Variants in RALA observed in about 807,000 individuals in gnomAD.
RALA encodes the protein ras-related protein Ral-A.
A neutral mutation model predicts 24.0 loss-of-function variants in RALA; 5 were observed. That is an observed-to-expected ratio of 0.21 (90% confidence interval 0.11 to 0.44). The LOEUF (loss-of-function observed/expected upper bound fraction) is 0.44. Among genes scored for constraint, RALA ranks in the 20% least tolerant of loss-of-function variants. The pLI is 0.99. For missense variants in RALA, 95 were observed against 241.2 expected (o/e 0.39, Z 4.01); for synonymous variants, 77 against 83.8 (o/e 0.92, Z 0.44).
intron 1 of RALA, among the ~76,000 whole-genome samples, chr7:39,672,403 G>A (rs1163948469): frequency 6.6e-6 from 1 of 152,136 alleles, no homozygotes; most frequent in African/African-American, 2.4e-5. Flanking sequence ...GACAGTGCCA[G>A]GATGTGAAAG....
rs185511691 is a variant in RALA at position 39,665,376 on chromosome 7, A to C, written c.-37-21255A>C. 5.3e-5 allele frequency among the ~76,000 whole-genome samples: 8 copies of C among 152,208 alleles called. No homozygotes were observed. The East Asian group carries it at 7.7e-4, about 15-fold the overall frequency. On this transcript the variant is annotated intron_variant, in intron 1 of 4. Coordinates refer to ENST00000005257, the MANE Select transcript of RALA (RefSeq NM_005402.4). ...ATTGTCAGAATACAGTATATAATACATATAACATATGTGTTAATCAACTAT... is the reference window on the plus strand; with the variant it reads ...ATTGTCAGAATACAGTATATAATACCTATAACATATGTGTTAATCAACTAT...
At chr7:39,697,918 C>T (rs911434491) in intron 4 of RALA, among the ~76,000 whole-genome samples, 11 of 150,802 alleles carry the variant, frequency 7.3e-5, no homozygotes, top group African/African-American at 2.7e-4. Flanking sequence ...ATTCAGGATA[C>T]GAATTTTTTC....
At chr7:39,627,429 A>G (rs1002310706) in intron 1 of RALA, among the ~76,000 whole-genome samples, 13 of 152,356 alleles carry the variant, frequency 8.5e-5, no homozygotes, top group Middle Eastern at 3.4e-3. Context: ...ATTAGATGCA[A>G]TAGATGTAAC....
chr7:39,624,360 C>T (rs1300332092), intron 1 of RALA: 1 of 143,768 alleles, frequency 7.0e-6, no homozygotes, highest in East Asian at 2.1e-4. Context: ...GACTTAAAGT[C>T]ATTAGACTCT....
At chr7:39,690,788 C>T (rs1792802160) in intron 3 of RALA, among the ~76,000 whole-genome samples, 198 bp downstream of exon 3, 1 of 152,194 alleles carries the variant, frequency 6.6e-6, no homozygotes, top group Non-Finnish European at 1.5e-5. Context: ...CATAGTCTTA[C>T]AGCTCTCCCG....
intron 1 of RALA, among the ~76,000 whole-genome samples, chr7:39,655,605 T>A (rs1265653572): frequency 1.3e-5 from 2 of 152,212 alleles, no homozygotes; most frequent in Non-Finnish European, 2.9e-5. Context: ...TTTTTCATAC[T>A]GTAACTCCAG....
At chr7:39,648,715 G>A (rs1421513358) in intron 1 of RALA, among the ~76,000 whole-genome samples, 1 of 152,168 alleles carries the variant, frequency 6.6e-6, no homozygotes, top group Non-Finnish European at 1.5e-5. Context: ...GAGAGTAGAG[G>A]TGACAGATTT....
rs796989849 is a variant in RALA at position 39,648,415 on chromosome 7, C to CT, written c.-38+24602dup. 4.9e-3 allele frequency among the ~76,000 whole-genome samples: 709 copies of CT among 144,664 alleles called. 4 individuals are homozygous for CT. The highest frequency in any genetic ancestry group is 0.013 in the African/African-American group (515 of 39,632). 94.9% of individuals were successfully genotyped at this position (144,664 alleles called of 152,430 possible). On this transcript the variant is annotated intron_variant, in intron 1 of 4. Transcript: ENST00000005257. ...AGTAAGTTTTCCATCAACTTAATAG[C>CT]TTTTTTTTTTTTGTCTCTTTTCACA...
At chr7:39,679,843 T>C (rs958575451) in intron 1 of RALA, among the ~76,000 whole-genome samples, 3 of 152,014 alleles carry the variant, frequency 2.0e-5, no homozygotes, top group African/African-American at 7.2e-5. Flanking sequence ...CCTGAGTAGC[T>C]GGGACTACAG....
chr7:39,691,660 A>T (rs1583753453), intron 3 of RALA, among the ~76,000 whole-genome samples: 1 of 152,228 alleles, frequency 6.6e-6, no homozygotes, highest in Non-Finnish European at 1.5e-5. Context: ...AAATCTCAAG[A>T]ACTTATTCTA....
At chr7:39,668,419 T>C (rs1258390086) in intron 1 of RALA, among the ~76,000 whole-genome samples, 1 of 152,210 alleles carries the variant, frequency 6.6e-6, no homozygotes, top group African/African-American at 2.4e-5. Flanking sequence ...TAATGTCTTA[T>C]ATTATGGTTT....
chr7:39,682,750 C>T (rs1390886599), intron 1 of RALA, among the ~76,000 whole-genome samples: 2 of 152,196 alleles, frequency 1.3e-5, no homozygotes, highest in African/African-American at 2.4e-5. Flanking sequence ...TCAAACGATT[C>T]TCCTGCCTCA....
chr7:39,639,992 G>T (rs1335023476), intron 1 of RALA, among the ~76,000 whole-genome samples: 1 of 151,996 alleles, frequency 6.6e-6, no homozygotes, highest in Admixed American at 6.5e-5. Context: ...CTTTTTTGAC[G>T]TTAGTGTTTT....
chr7:39,649,593 G>A (rs1398967715), intron 1 of RALA, among the ~76,000 whole-genome samples: 2 of 152,160 alleles, frequency 1.3e-5, no homozygotes, highest in African/African-American at 2.4e-5. Context: ...TGCCATCTTG[G>A]AGCAGATGAT....
At chr7:39,655,201 T>G (rs907583880) in intron 1 of RALA, among the ~76,000 whole-genome samples, 12 of 152,182 alleles carry the variant, frequency 7.9e-5, no homozygotes, top group Non-Finnish European at 1.6e-4. Context: ...AACAGGTGAA[T>G]GAATAAACAA....
At chr7:39,694,515 C>A (rs568811340) in intron 3 of RALA, among the ~76,000 whole-genome samples, 11 of 152,200 alleles carry the variant, frequency 7.2e-5, no homozygotes, top group African/African-American at 2.2e-4. Flanking sequence ...CATCAGTTTC[C>A]TCATCTGTAG....
At position 39,642,108 on chromosome 7, in the gene RALA, G is replaced by T. The variant is rs942836207; in HGVS notation, c.-38+18283G>T. Among the ~76,000 whole-genome samples, 2 of 152,100 alleles carry T rather than the reference G, an allele frequency of 1.3e-5. 1 individual carries two copies. Among genetic ancestry groups the T allele is most frequent in the Non-Finnish European group, 2.9e-5 (2 of 68,038 alleles). ...CTCTACCCATCTTAGTTCCTCAGTT[G>T]GGACAACCGCTGTAACAAAAGGCAA... On this transcript the variant is annotated intron_variant, in intron 1 of 4. Transcript: ENST00000005257.
At chr7:39,699,333 G>A (rs1792981187) in intron 4 of RALA, among the ~76,000 whole-genome samples, 1 of 150,568 alleles carries the variant, frequency 6.6e-6, no homozygotes, top group African/African-American at 2.5e-5. Context: ...GTAGAGACGG[G>A]GTTTCACCTT....
At chr7:39,701,390 A>G (rs1793024268) in intron 4 of RALA, among the ~76,000 whole-genome samples, 1 of 152,194 alleles carries the variant, frequency 6.6e-6, no homozygotes, top group Non-Finnish European at 1.5e-5. Flanking sequence ...GAATGTCTGT[A>G]GTCACAGTTA....
Sources: allele counts gnomAD v4.1 joint callset (sites outside exome capture counted in the v4.1 genomes callset), GRCh38; gene constraint gnomAD v4.1.1; transcripts MANE v1.5; gene names NCBI Gene and HGNC (gene_info 2026-07-23, HGNC 2026-07-21).